The following PDE4D variants were observed in gnomAD, a reference collection of about 807,000 sequenced individuals.
PDE4D encodes 3',5'-cyclic-AMP phosphodiesterase 4D.
PDE4D carries 24 observed loss-of-function variants against 87.4 expected under a neutral mutation model. The observed-to-expected ratio is 0.27, with a 90% CI of 0.20 to 0.39. The LOEUF (loss-of-function observed/expected upper bound fraction) is 0.39. PDE4D is among the 10% of genes least tolerant of loss of function. The probability of loss-of-function intolerance (pLI) is 1.00; values close to 1 mark genes in which losing one functional copy is unlikely to be tolerated. For synonymous variants in PDE4D, 384 were observed against 383.2 expected, an observed-to-expected ratio of 1.00 and a Z score of -0.02; for missense variants, 714 against 1,041.0, an observed-to-expected ratio of 0.69 and a Z score of 4.32.
intron 5 of PDE4D, among the ~76,000 whole-genome samples, chr5:59,079,709 G>A (rs1025937216): frequency 1.2e-4 from 17 of 139,378 alleles, no homozygotes; most frequent in Admixed American, 2.9e-4. Flanking sequence ...GCATAATGGT[G>A]TGTGCCTATT....
At chr5:59,752,472 C>A (rs193179151) in intron 1 of PDE4D, among the ~76,000 whole-genome samples, 1 of 152,122 alleles carries the variant, frequency 6.6e-6, no homozygotes, top group African/African-American at 2.4e-5. Flanking sequence ...GATTCCTGAA[C>A]CTCTTTGTAT....
chr5:60,459,840 A>G lies in PDE4D; in HGVS notation c.-90+28102T>C, dbSNP rs1746784458. 5.1e-6 allele frequency: 3 copies of G among 583,562 alleles called. No homozygotes were observed. In the Admixed American group the frequency reaches 9.1e-5, roughly 18 times the overall value. The allele number at this position is 583,562 out of a possible 1,614,324, so 36.1% of individuals were successfully genotyped here. A position where few individuals can be genotyped will look rare whatever the true frequency, so the allele number is the denominator to read the frequency against. ...TTAAACAGGAAAGTTGGAACCTATC[A>G]GTGTTCTAGTAATCTTTTCCTTCAT... On this transcript the variant is annotated intron_variant, in intron 1 of 16. Transcript: ENST00000502484.
chr5:59,636,287 G>C (rs1832233088), intron 1 of PDE4D, among the ~76,000 whole-genome samples: 1 of 152,130 alleles, frequency 6.6e-6, no homozygotes, highest in Non-Finnish European at 1.5e-5. Flanking sequence ...AATCAATATA[G>C]TGAAAATGGC....
chr5:59,229,923 C>G lies in PDE4D; in HGVS notation c.456-13955G>C, dbSNP rs531362694. On this transcript the variant is annotated intron_variant, in intron 1 of 14. Transcript: ENST00000340635. ...AAGTGATTCTCCTGCCTCAGGCCCC[C>G]GAGTAGCTGGGATTACAGGCAGGCG... 1.0e-3 allele frequency among the ~76,000 whole-genome samples: 152 copies of G among 152,244 alleles called. 1 individual carries two copies. Among genetic ancestry groups the G allele is most frequent in the African/African-American group, 3.6e-3 (148 of 41,544 alleles).
At chr5:59,413,229 G>C in intron 1 of PDE4D, among the ~76,000 whole-genome samples, 1 of 151,964 alleles carries the variant, frequency 6.6e-6, no homozygotes, top group East Asian at 1.9e-4. Context: ...AGGCCAAGGT[G>C]GGCGGATCAC....
intron 1 of PDE4D, among the ~76,000 whole-genome samples, chr5:60,514,536 A>G (rs1176870473): frequency 6.6e-6 from 1 of 152,100 alleles, no homozygotes; most frequent in East Asian, 1.9e-4. Flanking sequence ...TTGGTTTAAC[A>G]TTCAAAATAT....
chr5:60,125,930 T>C (rs1239555923), intron 2 of PDE4D, among the ~76,000 whole-genome samples: 2 of 152,180 alleles, frequency 1.3e-5, no homozygotes, highest in African/African-American at 4.8e-5. Flanking sequence ...ATGAGGGCTA[T>C]GGTTTTGCTA....
At chr5:59,919,678 C>A (rs2152777439) in intron 3 of PDE4D, among the ~76,000 whole-genome samples, 1 of 152,306 alleles carries the variant, frequency 6.6e-6, no homozygotes, top group African/African-American at 2.4e-5. Context: ...TGTTCCTTTT[C>A]TTCCTTCTTG....
At chr5:60,032,779 C>A (rs1324172276) in intron 2 of PDE4D, 1 of 152,028 alleles carries the variant, frequency 6.6e-6, no homozygotes, top group African/African-American at 2.4e-5. Context: ...GTCACAAGTT[C>A]TTTTAGGGAA....
intron 2 of PDE4D, among the ~76,000 whole-genome samples, chr5:60,126,858 C>T (rs1779162951): frequency 6.6e-6 from 1 of 152,002 alleles, no homozygotes. Flanking sequence ...CAGTGATGAG[C>T]AAATAGACAT....
rs368939373 is a variant in PDE4D, at chr5:59,535,334, T to A, written c.456-319366A>T. Among the ~76,000 whole-genome samples, 30 of 152,242 alleles carry A rather than the reference T, an allele frequency of 2.0e-4. No homozygotes were observed. In the South Asian group the frequency reaches 2.9e-3, roughly 15 times the overall value. Reference sequence around the variant, plus strand: ...TGGGTGTCTGGCCCAGGCATCAGATTTTTTAAAGTTCCCCAGGTGATTGAA... The same window carrying A: ...TGGGTGTCTGGCCCAGGCATCAGATATTTTAAAGTTCCCCAGGTGATTGAA... On this transcript the variant is annotated intron_variant, in intron 1 of 14. Coordinates refer to ENST00000340635, the MANE Select transcript of PDE4D (RefSeq NM_001104631.2).
At position 59,151,662 on chromosome 5, in the gene PDE4D, A is replaced by T. The variant is rs1185013122; in HGVS notation, c.808+28933T>A. On this transcript the variant is annotated intron_variant, in intron 5 of 14. Coordinates refer to ENST00000340635, the MANE Select transcript of PDE4D (RefSeq NM_001104631.2). ...CGCTGTCCTAGTGGAACATACCCTC[A>T]CTTTGCCTTGTGTTTAAAGCTGGGC... Among the ~76,000 whole-genome samples, 3 of 152,132 alleles carry T rather than the reference A, an allele frequency of 2.0e-5. No individual in the cohort carries two copies. The East Asian group carries it at 5.8e-4, about 29-fold the overall frequency.
At chr5:59,476,467 G>C (rs1257421008) in intron 1 of PDE4D, among the ~76,000 whole-genome samples, 1 of 152,006 alleles carries the variant, frequency 6.6e-6, no homozygotes, top group Non-Finnish European at 1.5e-5. Flanking sequence ...TGAATACCTG[G>C]AAATACATCA....
chr5:59,043,871 C>T (rs1760168084), intron 5 of PDE4D, among the ~76,000 whole-genome samples: 1 of 152,198 alleles, frequency 6.6e-6, no homozygotes, highest in African/African-American at 2.4e-5. Context: ...CATGTTCCTA[C>T]AAAGGACATG....
At chr5:59,685,233 T>A (rs564403484) in intron 1 of PDE4D, among the ~76,000 whole-genome samples, 1 of 152,320 alleles carries the variant, frequency 6.6e-6, no homozygotes, top group South Asian at 2.1e-4. Context: ...AAGGAATTTA[T>A]AACTTCCTTT....
intron 1 of PDE4D, among the ~76,000 whole-genome samples, chr5:59,837,812 A>C (rs926807764): frequency 1.3e-5 from 2 of 152,104 alleles, no homozygotes; most frequent in African/African-American, 4.8e-5. Context: ...TTGCTCCTTA[A>C]AGATGAAAGT....
At chr5:60,132,514 T>C in intron 2 of PDE4D, among the ~76,000 whole-genome samples, 1 of 152,172 alleles carries the variant, frequency 6.6e-6, no homozygotes, top group Non-Finnish European at 1.5e-5. Context: ...AGAATCAGTA[T>C]ATTGTAAATA....
chr5:59,633,122 G>A (rs1456318365), intron 1 of PDE4D, among the ~76,000 whole-genome samples: 1 of 151,922 alleles, frequency 6.6e-6, no homozygotes. Flanking sequence ...CTGATCAAGT[G>A]GAAGAAAGGA....
intron 1 of PDE4D, among the ~76,000 whole-genome samples, chr5:60,234,687 G>A (rs1486340267): frequency 1.3e-5 from 2 of 151,720 alleles, no homozygotes; most frequent in Non-Finnish European, 2.9e-5. Flanking sequence ...CTTTCTTTGT[G>A]GGAAATTTTA....
Sources: gnomAD v4.1 joint callset for allele counts (sites outside exome capture counted in the v4.1 genomes callset) on GRCh38, gnomAD v4.1.1 for gene constraint, MANE v1.5 for transcripts, NCBI Gene and HGNC (gene_info 2026-07-23, HGNC 2026-07-21) for gene names.